Variants in MCM9 observed in about 807,000 individuals in gnomAD.
The protein encoded by MCM9 is DNA helicase MCM9.
A neutral mutation model predicts 72.8 loss-of-function variants in MCM9; 55 were observed. The ratio of observed to expected loss-of-function variants is 0.76; its 90% confidence interval spans 0.61 to 0.95. The LOEUF (loss-of-function observed/expected upper bound fraction) is 0.95. Among genes scored for constraint, MCM9 ranks in the 40% least tolerant of loss-of-function variants. The pLI is 0.00. For synonymous variants in MCM9, 480 were observed against 503.4 expected (o/e 0.95, Z 0.62); for missense variants, 1,279 against 1,377.0 (o/e 0.93, Z 1.13).
chr6:118,894,981 G>C (rs1779268549), intron 8 of MCM9, among the ~76,000 whole-genome samples: 1 of 149,864 alleles, frequency 6.7e-6, no homozygotes. Context: ...AATTGGGCCA[G>C]CGACCCCGGC....
intron 11 of MCM9, among the ~76,000 whole-genome samples, chr6:118,827,609 C>G (rs2114548073): frequency 6.6e-6 from 1 of 152,156 alleles, no homozygotes; most frequent in East Asian, 1.9e-4. Flanking sequence ...CTGTCCTACT[C>G]AAAATGCTAA....
At chr6:118,844,760 G>T (rs1171823982) in intron 9 of MCM9, among the ~76,000 whole-genome samples, 2 of 151,798 alleles carry the variant, frequency 1.3e-5, no homozygotes, top group Admixed American at 6.6e-5. Flanking sequence ...CTTTTCTCAT[G>T]AAGAGTTACC....
At chr6:118,894,380 C>T in intron 8 of MCM9, 2 of 1,536,752 alleles carry the variant, frequency 1.3e-6, no homozygotes, top group Middle Eastern at 1.7e-4. Flanking sequence ...CCGCAACCAG[C>T]CCCAGTTCCC....
chr6:118,852,070 T>C (rs1010340988), intron 9 of MCM9, among the ~76,000 whole-genome samples: 5 of 152,192 alleles, frequency 3.3e-5, no homozygotes, highest in African/African-American at 1.2e-4. Flanking sequence ...CTAGGCTATA[T>C]GGTATAGCCT....
At position 118,923,793 on chromosome 6, in the gene MCM9, G is replaced by A. The variant is rs370350374; in HGVS notation, c.621+18C>T. On this transcript the variant is annotated intron_variant, in intron 4 of 13. Transcript: ENST00000619706. ...ACACTTCTTCAAATTTATTTATCTCGTTTATGTGATTATTTACCTGTTCCT... is the reference window on the plus strand; with the variant it reads ...ACACTTCTTCAAATTTATTTATCTCATTTATGTGATTATTTACCTGTTCCT... The A allele has an allele frequency of 5.4e-5, 86 of 1,604,688 alleles. No homozygotes were observed. The highest frequency in any genetic ancestry group is 1.7e-4 in the Middle Eastern group (1 of 6,040).
intron 12 of MCM9, 26 bp downstream of exon 12, chr6:118,826,756 A>G: frequency 1.3e-6 from 2 of 1,503,062 alleles, no homozygotes; most frequent in South Asian, 2.6e-5. Flanking sequence ...ATTAGGATAA[A>G]AATTAGGTAC....
intron 8 of MCM9, chr6:118,893,925 C>T (rs1297486365): frequency 2.8e-5 from 22 of 776,468 alleles, no homozygotes; most frequent in Non-Finnish European, 3.4e-5. Flanking sequence ...CGCGCCCTCC[C>T]GCCGCAGCCA....
At position 118,917,761 on chromosome 6, in the gene MCM9, C is replaced by A; in HGVS notation, c.704G>T (p.Gly235Val). The A allele has an allele frequency of 6.2e-7, 1 of 1,614,050 alleles. No homozygotes were observed. Among genetic ancestry groups the A allele is most frequent in the African/African-American group, 1.3e-5 (1 of 75,034 alleles). The stretch of plus-strand genomic sequence containing the variant: ...AATCCCGTAAATAGTGAGGTCATCA[C>A]CTAGGAAAAAGCATCAAGTGAGTCC... The part of the protein sequence containing the change: ...EDDLVDSCKS[G>V]DDLTIYGIVM... Residue 235 changes from glycine to valine, a missense_variant and splice_region_variant, in exon 6 of 14, where the codon GGT (glycine) becomes GTT (valine). Gly to Val is a moderately radical substitution (Grantham distance 109). Transcript: ENST00000619706.
intron 8 of MCM9, chr6:118,910,803 T>G: frequency 3.0e-6 from 3 of 985,168 alleles, no homozygotes; most frequent in Non-Finnish European, 3.6e-6. Context: ...ACCTGAGACC[T>G]CCTTAACAGT....
At chr6:118,842,962 C>A (rs367906737) in intron 9 of MCM9, among the ~76,000 whole-genome samples, 1 of 151,528 alleles carries the variant, frequency 6.6e-6, no homozygotes, top group African/African-American at 2.4e-5. Flanking sequence ...ACATAAAGAA[C>A]AACAAAATTA....
chr6:118,874,755 T>TA (rs1297647920), intron 8 of MCM9, among the ~76,000 whole-genome samples: 1 of 152,248 alleles, frequency 6.6e-6, no homozygotes, highest in East Asian at 1.9e-4. Context: ...GGTTAATATG[T>TA]AAAAGTCAAT....
chr6:118,862,686 A>G (rs964459948), intron 8 of MCM9, among the ~76,000 whole-genome samples: 2 of 152,052 alleles, frequency 1.3e-5, no homozygotes, highest in African/African-American at 4.8e-5. Context: ...ATAAATAGAG[A>G]CATAGCTTCG....
intron 1 of MCM9, among the ~76,000 whole-genome samples, chr6:118,933,911 G>A (rs973835805): frequency 3.2e-5 from 4 of 125,734 alleles, no homozygotes; most frequent in African/African-American, 8.6e-5. Flanking sequence ...TCAGCCAAGT[G>A]TAAAGCAGAA....
chr6:118,917,776 C>T lies in MCM9; in HGVS notation c.704-15G>A. On this transcript the variant is annotated splice_polypyrimidine_tract_variant and intron_variant, in intron 5 of 13. Transcript: ENST00000619706. The stretch of plus-strand genomic sequence containing the variant: ...GAGGTCATCACCTAGGAAAAAGCAT[C>T]AAGTGAGTCCAGCAGTAGCATCCTG... 1.9e-6 allele frequency: 3 copies of T among 1,610,548 alleles called. No individual in the cohort carries two copies. The highest frequency in any genetic ancestry group is 2.5e-6 in the Non-Finnish European group (3 of 1,176,778).
chr6:118,823,573 A>G (rs2114527650), intron 13 of MCM9, among the ~76,000 whole-genome samples: 1 of 152,292 alleles, frequency 6.6e-6, no homozygotes, highest in South Asian at 2.1e-4. Context: ...TTTTCATTTC[A>G]AATTTCCCTT....
chr6:118,924,141 CA>C lies in MCM9; in HGVS notation c.305-15del, dbSNP rs145722019. On this transcript the variant is annotated splice_polypyrimidine_tract_variant and intron_variant, in intron 3 of 13. Coordinates refer to ENST00000619706, the MANE Select transcript of MCM9 (RefSeq NM_017696.3). ...AGACAGGCAAACCTGATGGAGAAAA[CA>C]AAAAAACAGCATCAACTTCAATCTT... is the stretch of plus-strand genomic sequence containing the variant. 6 of 1,590,950 alleles carry C rather than the reference CA, an allele frequency of 3.8e-6. No homozygotes were observed. The highest frequency in any genetic ancestry group is 1.4e-5 in the African/African-American group (1 of 73,402).
intron 11 of MCM9, 83 bp from the exon 12 acceptor site, chr6:118,826,947 G>C: frequency 9.3e-7 from 1 of 1,080,364 alleles, no homozygotes. Flanking sequence ...CTCACCATTT[G>C]TATTTTATGA....
At chr6:118,835,854 G>A (rs1774917770) in intron 9 of MCM9, among the ~76,000 whole-genome samples, 1 of 152,152 alleles carries the variant, frequency 6.6e-6, no homozygotes, top group East Asian at 1.9e-4. Flanking sequence ...TCTCTAGCCT[G>A]ATTGTCCTGG....
chr6:118,842,816 A>T (rs995616193), intron 9 of MCM9, among the ~76,000 whole-genome samples: 1 of 152,004 alleles, frequency 6.6e-6, no homozygotes, highest in Non-Finnish European at 1.5e-5. Flanking sequence ...ACCACTCCCG[A>T]GCCCCCTTTT....
Sources: allele counts gnomAD v4.1 joint callset (sites outside exome capture counted in the v4.1 genomes callset), GRCh38; gene constraint gnomAD v4.1.1; transcripts MANE v1.5; gene names NCBI Gene and HGNC (gene_info 2026-07-23, HGNC 2026-07-21).